The following CHL1 variants were observed in gnomAD, a reference collection of about 807,000 sequenced individuals.
CHL1 encodes the protein neural cell adhesion molecule L1-like protein.
In CHL1, 96 loss-of-function variants were observed where a neutral mutation model predicts 141.9. That is an observed-to-expected ratio of 0.68 (90% confidence interval 0.57 to 0.80). The LOEUF (loss-of-function observed/expected upper bound fraction) is 0.80. Ranked by LOEUF, CHL1 falls within the 30% of genes least tolerant of loss-of-function variation. The probability of loss-of-function intolerance (pLI) is 0.00; values close to 1 mark genes in which losing one functional copy is unlikely to be tolerated. For missense variants in CHL1, 1,820 were observed against 1,457.2 expected (o/e 1.25, Z -4.05); for synonymous variants, 613 against 502.2 (o/e 1.22, Z -2.95).
chr3:271,553 A>G (rs1220547852), intron 2 of CHL1, among the ~76,000 whole-genome samples: 2 of 152,256 alleles, frequency 1.3e-5, no homozygotes, highest in East Asian at 1.9e-4. Context: ...CTCGCAAGAT[A>G]TAATGAAGAA....
At chr3:220,675 T>C (rs915990565) in intron 1 of CHL1, among the ~76,000 whole-genome samples, 3 of 152,254 alleles carry the variant, frequency 2.0e-5, no homozygotes, top group South Asian at 2.1e-4. Context: ...TTGGGCAACA[T>C]AGTGAGATCC....
Position 379,813 on chromosome 3 carries a change from T to C in CHL1, c.1876+1871T>C, listed in dbSNP as rs1706804805. Among the ~76,000 whole-genome samples the C allele has an allele frequency of 2.0e-5, 3 of 152,268 alleles. No homozygotes were observed. In the South Asian group the frequency reaches 6.2e-4, roughly 32 times the overall value. ...TATGTTTAAAATTTACATTCTTTTA[T>C]TTTTTAGACAAACTTCTGATTTACC... is the stretch of plus-strand genomic sequence containing the variant. On this transcript the variant is annotated intron_variant, in intron 16 of 27. Transcript: ENST00000256509.
chr3:398,937 A>G, intron 25 of CHL1, 80 bp from the exon 26 acceptor site: 1 of 1,334,564 alleles, frequency 7.5e-7, no homozygotes, highest in Non-Finnish European at 1.1e-6. Context: ...TTTAAAAATG[A>G]TGTCTAATTT....
At chr3:356,259 C>T (rs1213138856) in intron 11 of CHL1, among the ~76,000 whole-genome samples, 3 of 152,150 alleles carry the variant, frequency 2.0e-5, no homozygotes, top group Non-Finnish European at 4.4e-5. Context: ...GTAAGGAACG[C>T]AGATTCTCCG....
At chr3:238,329 G>T (rs936339680) in intron 1 of CHL1, among the ~76,000 whole-genome samples, 1 of 151,844 alleles carries the variant, frequency 6.6e-6, no homozygotes, top group African/African-American at 2.4e-5. Context: ...AAAAGCTGAG[G>T]TGCTCACAGC....
At chr3:366,539 C>T (rs1050818296) in intron 15 of CHL1, among the ~76,000 whole-genome samples, 6 of 151,898 alleles carry the variant, frequency 4.0e-5, no homozygotes, top group African/African-American at 1.5e-4. Context: ...ATATTTCTGT[C>T]TTCAAGTCAC....
intron 2 of CHL1, among the ~76,000 whole-genome samples, chr3:278,889 T>C (rs981985552): frequency 1.3e-5 from 2 of 152,210 alleles, no homozygotes; most frequent in African/African-American, 2.4e-5. Flanking sequence ...GTGAGCCACA[T>C]TGTGGAAGAA....
intron 27 of CHL1, among the ~76,000 whole-genome samples, chr3:404,363 A>T (rs1303572001): frequency 6.6e-6 from 1 of 152,224 alleles, no homozygotes; most frequent in Non-Finnish European, 1.5e-5. Flanking sequence ...AGTGATATGT[A>T]CATCCAAATT....
chr3:288,187 A>G (rs916709193), intron 2 of CHL1, among the ~76,000 whole-genome samples: 15 of 152,194 alleles, frequency 9.9e-5, no homozygotes, highest in Admixed American at 9.8e-4. Flanking sequence ...ATTAAGTACA[A>G]TTAGTGCATT....
chr3:237,331 A>T (rs1246052255), intron 1 of CHL1, among the ~76,000 whole-genome samples: 2 of 152,182 alleles, frequency 1.3e-5, no homozygotes, highest in African/African-American at 4.8e-5. Flanking sequence ...TTCTGCCATG[A>T]TTGTAAGTCT....
At chr3:317,160 C>T (rs1210356465) in intron 2 of CHL1, among the ~76,000 whole-genome samples, 1 of 151,922 alleles carries the variant, frequency 6.6e-6, no homozygotes, top group Non-Finnish European at 1.5e-5. Context: ...GAGGTAAGGT[C>T]ATATGTAGAA....
intron 6 of CHL1, among the ~76,000 whole-genome samples, chr3:341,379 C>T (rs1251302888): frequency 6.6e-6 from 1 of 152,178 alleles, no homozygotes; most frequent in African/African-American, 2.4e-5. Context: ...TTGCACAGCA[C>T]TCAGAAGAAA....
intron 2 of CHL1, among the ~76,000 whole-genome samples, chr3:254,782 T>C (rs1284631429): frequency 6.6e-6 from 1 of 152,152 alleles, no homozygotes; most frequent in East Asian, 1.9e-4. Flanking sequence ...AGCTAAATCC[T>C]GCATGAAGCC....
At chr3:268,651 C>T (rs188603677) in intron 2 of CHL1, among the ~76,000 whole-genome samples, 2 of 152,272 alleles carry the variant, frequency 1.3e-5, no homozygotes, top group African/African-American at 4.8e-5. Flanking sequence ...TTTCTTCTTT[C>T]CCTCAATATT....
intron 2 of CHL1, among the ~76,000 whole-genome samples, chr3:300,103 A>G (rs551441004): frequency 6.6e-6 from 1 of 152,312 alleles, no homozygotes; most frequent in Admixed American, 6.5e-5. Flanking sequence ...TTACTATAAT[A>G]TTTCAGAGAT....
chr3:225,037 GGGC>G (rs1701190774), intron 1 of CHL1, among the ~76,000 whole-genome samples: 1 of 152,104 alleles, frequency 6.6e-6, no homozygotes, highest in Non-Finnish European at 1.5e-5. Context: ...TCAGGAGGCC[GGGC>G]GGGAGAACAC....
chr3:361,744 C>T lies in CHL1; in HGVS notation c.1352C>T (p.Thr451Ile), dbSNP rs150474777. 9 of 1,613,542 alleles carry T rather than the reference C, an allele frequency of 5.6e-6. No homozygotes were observed. The highest frequency in any genetic ancestry group is 7.6e-6 in the Non-Finnish European group (9 of 1,179,536). Residue 451 changes from threonine to isoleucine, a missense_variant, in exon 13 of 28, where the codon ACA (threonine) becomes ATA (isoleucine). Physicochemically the swap from Thr to Ile is moderately conservative, Grantham distance 89. Coordinates refer to ENST00000256509, the MANE Select transcript of CHL1 (RefSeq NM_006614.4). The stretch of plus-strand genomic sequence containing the variant: ...ACCAAAGATGGAGAAAATTACGCTA[C>T]AGTGGTTGGGTACAGTGCTTTCTTA... ...IQTKDGENYA[T>I]VVGYSAFLHC... is the part of the protein sequence containing the mutation.
intron 2 of CHL1, among the ~76,000 whole-genome samples, chr3:287,043 T>G (rs972321085): frequency 7.2e-5 from 11 of 152,168 alleles, no homozygotes; most frequent in Non-Finnish European, 1.5e-4. Context: ...TATCTCATCC[T>G]CTGACTTAGA....
intron 1 of CHL1, among the ~76,000 whole-genome samples, chr3:220,684 C>A (rs1318487481): frequency 6.6e-6 from 1 of 152,016 alleles, no homozygotes; most frequent in African/African-American, 2.4e-5. Flanking sequence ...ATAGTGAGAT[C>A]CCATCACAAA....
Sources: gnomAD v4.1 joint callset for allele counts (sites outside exome capture counted in the v4.1 genomes callset) on GRCh38, gnomAD v4.1.1 for gene constraint, MANE v1.5 for transcripts, NCBI Gene and HGNC (gene_info 2026-07-23, HGNC 2026-07-21) for gene names.